ZNF730: variants seen among roughly 807,000 people sequenced by gnomAD.
ZNF730 encodes putative zinc finger protein 730.
A neutral mutation model predicts 12.6 loss-of-function variants in ZNF730; 12 were observed. The ratio of observed to expected loss-of-function variants is 0.95; its 90% CI spans 0.61 to 1.54. The LOEUF is 1.54. Ranked by LOEUF, ZNF730 falls within the 40% of genes most tolerant of loss-of-function variation. The probability of loss-of-function intolerance (pLI) is 0.00; values close to 1 mark genes in which losing one functional copy is unlikely to be tolerated. For missense variants in ZNF730, 643 were observed against 583.5 expected (o/e 1.10, Z -1.05); for synonymous variants, 194 against 195.8 (o/e 0.99, Z 0.08).
upstream of ZNF730, among the ~76,000 whole-genome samples, chr19:23,115,903 C>T (rs1449397408): frequency 6.6e-6 from 1 of 152,228 alleles, no homozygotes; most frequent in Admixed American, 6.5e-5. Context: ...AGATAGGTGC[C>T]ATGATTTAAT....
chr19:23,089,798 A>G (rs1158456763), intron 1 of ZNF730, among the ~76,000 whole-genome samples: 1 of 152,194 alleles, frequency 6.6e-6, no homozygotes, highest in Non-Finnish European at 1.5e-5. Flanking sequence ...AATAACCGAA[A>G]ATGTGGAAGC....
chr19:23,127,877 T>A lies in ZNF730; in HGVS notation c.4-6203T>A, dbSNP rs1037326031. The A allele has an allele frequency of 1.5e-5, 10 of 662,414 alleles. No homozygotes were observed. The African/African-American group carries it at 1.8e-4, about 12-fold the overall frequency. 41.0% of individuals were successfully genotyped at this position (662,414 alleles called of 1,614,324 possible). ...ACCCGTATAGAAGAGGATGTGATAT[T>A]ACACACAGCATATGCTCGTAAACTG... On this transcript the variant is annotated intron_variant, in intron 1 of 3. Coordinates refer to ENST00000597761, the MANE Select transcript of ZNF730 (RefSeq NM_001277403.2).
chr19:23,079,641 A>G (rs1969930843), intron 1 of ZNF730, among the ~76,000 whole-genome samples: 1 of 152,308 alleles, frequency 6.6e-6, no homozygotes. Flanking sequence ...TGCAATAGTC[A>G]TTTCAGACAT....
intron 3 of ZNF730, among the ~76,000 whole-genome samples, chr19:23,143,017 G>A (rs1224567778): frequency 6.6e-6 from 1 of 152,158 alleles, no homozygotes; most frequent in Non-Finnish European, 1.5e-5. Context: ...GGCCGAGGCA[G>A]ATGGATCATG....
intron 3 of ZNF730, among the ~76,000 whole-genome samples, chr19:23,140,836 C>T (rs2145690596): frequency 6.6e-6 from 1 of 151,698 alleles, no homozygotes; most frequent in South Asian, 2.1e-4. Context: ...CCTGTAGTTC[C>T]ACCTACAGGG....
At chr19:23,114,305 C>CTTTCTTTT (rs1970490241), upstream of ZNF730, among the ~76,000 whole-genome samples, 5 of 103,508 alleles carry the variant, frequency 4.8e-5, no homozygotes, top group Admixed American at 1.0e-4. Context: ...TTTTTCTTTT[C>CTTTCTTTT]TTTTTTTTTT....
At chr19:23,137,825 A>G (rs192725410) in intron 3 of ZNF730, among the ~76,000 whole-genome samples, 3 of 152,230 alleles carry the variant, frequency 2.0e-5, no homozygotes, top group African/African-American at 7.2e-5. Flanking sequence ...CTGGGGTCCA[A>G]CTTTAGTTGA....
intron 1 of ZNF730, among the ~76,000 whole-genome samples, chr19:23,120,631 T>C (rs1323288956): frequency 7.3e-6 from 1 of 136,226 alleles, no homozygotes; most frequent in East Asian, 1.9e-4. Context: ...TAAGTGGTTA[T>C]TATCTTATTA....
chr19:23,119,542 G>A (rs766773551), intron 1 of ZNF730, among the ~76,000 whole-genome samples: 2 of 152,168 alleles, frequency 1.3e-5, no homozygotes, highest in Non-Finnish European at 2.9e-5. Context: ...TGATGCTGTT[G>A]CCAGGAGCAG....
rs779633042 is a variant in ZNF730, at chr19:23,146,465, A to C, written c.1421A>C (p.His474Pro). 6.2e-7 allele frequency: 1 copy of C among 1,609,346 alleles called. No individual in the cohort carries two copies. Among genetic ancestry groups the C allele is most frequent in the Non-Finnish European group, 8.5e-7 (1 of 1,178,718 alleles). Reference sequence around the variant, plus strand: ...ACCCTCACTACACATAAGATAATTCATTCTGGGGAAAAAATCTACAAATGT... The same window carrying C: ...ACCCTCACTACACATAAGATAATTCCTTCTGGGGAAAAAATCTACAAATGT... ...SSTLTTHKIIHSGEKIYKCKE... is the reference protein window; with the variant it reads ...SSTLTTHKIIPSGEKIYKCKE... The change falls in exon 4 of 4, where the codon CAT becomes CCT. Residue 474 changes from histidine to proline, a missense_variant. Physicochemically the swap from His to Pro is moderately conservative, Grantham distance 77 (BLOSUM62 -2). Transcript: ENST00000597761.
upstream of ZNF730, among the ~76,000 whole-genome samples, chr19:23,114,486 T>C (rs911176664): frequency 1.5e-4 from 20 of 133,594 alleles, no homozygotes; most frequent in South Asian, 5.2e-3. Flanking sequence ...TTTTTATTTT[T>C]ATTTATTTTT....
intron 1 of ZNF730, among the ~76,000 whole-genome samples, chr19:23,081,075 ACCTCAGGTGATC>A (rs1419690523): frequency 6.8e-6 from 1 of 146,756 alleles, no homozygotes; most frequent in African/African-American, 2.5e-5. Flanking sequence ...CGAACTCCCG[ACCTCAGGTGATC>A]CAGCCGCCTC....
rs112801464 is a variant in ZNF730 at position 23,145,931 on chromosome 19, C to T, written c.887C>T (p.Ser296Phe). ...GAATGTGGCAAAGCCTTTAACCAGT[C>T]CTCAAACCTTACTGAACATAAGAAA... is the stretch of plus-strand genomic sequence containing the variant. ...CEECGKAFNQ[S>F]SNLTEHKKIH... is the part of the protein sequence containing the mutation. The change falls in exon 4 of 4, where the codon TCC becomes TTC. Residue 296 changes from serine to phenylalanine, a missense_variant. Physicochemically the swap from Ser to Phe is radical, Grantham distance 155 (BLOSUM62 -2). Transcript: ENST00000597761. 0.021 allele frequency: 34,218 copies of T among 1,608,842 alleles called. 475 individuals are homozygous for T. The highest frequency in any genetic ancestry group is 0.058 in the African/African-American group (4,289 of 74,536).
At chr19:23,108,014 A>T (rs1057009375) in intron 1 of ZNF730, among the ~76,000 whole-genome samples, 2 of 152,152 alleles carry the variant, frequency 1.3e-5, no homozygotes, top group African/African-American at 4.8e-5. Context: ...CTCAGTGGGT[A>T]CTCAGTATAT....
In ZNF730 at chr19:23,145,843, C is replaced by G; in HGVS notation, c.799C>G (p.Gln267Glu). Residue 267 changes from glutamine to glutamate, a missense_variant, in exon 4 of 4, where the codon CAA (glutamine) becomes GAA (glutamate). Coordinates refer to ENST00000597761, the MANE Select transcript of ZNF730 (RefSeq NM_001277403.2). ...QCEKCGKFFN[Q>E]STNLTTHKRI... The stretch of plus-strand genomic sequence containing the variant: ...TGAGAAATGTGGCAAATTTTTTAAC[C>G]AATCCACAAACCTTACTACACATAA... The G allele has an allele frequency of 6.2e-7, 1 of 1,603,986 alleles. No individual in the cohort carries two copies. Among genetic ancestry groups the G allele is most frequent in the Non-Finnish European group, 8.5e-7 (1 of 1,176,856 alleles).
intron 1 of ZNF730, among the ~76,000 whole-genome samples, chr19:23,118,339 A>C (rs2219721): frequency 0.3 from 45,329 of 150,228 alleles, 7,691 homozygotes; most frequent in African/African-American, 0.47. Context: ...ATCTTGTGAA[A>C]GTGTTTTGGG....
At chr19:23,116,561 T>A, upstream of ZNF730, among the ~76,000 whole-genome samples, 1 of 140,632 alleles carries the variant, frequency 7.1e-6, no homozygotes, top group East Asian at 2.2e-4. Flanking sequence ...CGCGCGCCAC[T>A]ACTCCCAGCT....
intron 3 of ZNF730, among the ~76,000 whole-genome samples, chr19:23,136,473 C>T (rs1003754171): frequency 3.3e-5 from 5 of 152,040 alleles, no homozygotes; most frequent in Non-Finnish European, 7.4e-5. Flanking sequence ...GGTGCGATCT[C>T]GGCTCACTGC....
intron 1 of ZNF730, among the ~76,000 whole-genome samples, chr19:23,089,013 C>G (rs1447583978): frequency 6.6e-6 from 1 of 151,692 alleles, no homozygotes; most frequent in African/African-American, 2.4e-5. Context: ...GCTGGGATTA[C>G]AGGCATGTGC....
Sources: allele counts gnomAD v4.1 joint callset (sites outside exome capture counted in the v4.1 genomes callset), GRCh38; gene constraint gnomAD v4.1.1; transcripts MANE v1.5; gene names NCBI Gene and HGNC (gene_info 2026-07-23, HGNC 2026-07-21).